CCHCR1: variants seen among roughly 807,000 people sequenced by gnomAD.
The protein encoded by CCHCR1 is coiled-coil alpha-helical rod protein 1, also known as HCR (a-helix coiled-coil rod homologue).
Under a neutral mutation model 114.6 loss-of-function variants are expected in CCHCR1, and 91 were observed. The ratio of observed to expected loss-of-function variants is 0.79; its 90% confidence interval spans 0.67 to 0.94. The LOEUF (loss-of-function observed/expected upper bound fraction) is 0.94. Among genes scored for constraint, CCHCR1 ranks in the 40% least tolerant of loss-of-function variants. CCHCR1 has a pLI of 0.00. For synonymous variants in CCHCR1, 379 were observed against 428.5 expected (o/e 0.88, Z 1.43); for missense variants, 899 against 1,079.9 (o/e 0.83, Z 2.35).
Position 31,144,643 on chromosome 6 carries a change from C to A in CCHCR1, c.2167+44G>T. 1 of 1,254,382 alleles carries A rather than the reference C, an allele frequency of 8.0e-7. No individual in the cohort carries two copies. 77.7% of individuals were successfully genotyped at this position (1,254,382 alleles called of 1,614,324 possible). The stretch of plus-strand genomic sequence containing the variant: ...AAAATAATAACCTTATGTCTTAACA[C>A]TTCCTTCTTCCTGGAAGGCCCTATC... On this transcript the variant is annotated intron_variant, in intron 15 of 17. Transcript: ENST00000396268. This position sits in a 1 kb window ranked among gnomAD's most constrained non-coding sequence, Gnocchi z 4.6.
rs754692375 is a variant in CCHCR1 at position 31,142,948 on chromosome 6, T to A, written c.2491+15A>T. 5 of 1,609,810 alleles carry A rather than the reference T, an allele frequency of 3.1e-6. No individual in the cohort carries two copies. ...CGCGCATTTGTCCCTTGTCCCTTTG[T>A]GCTTGGCCCAAGACCTTTTATGGAC... On this transcript the variant is annotated intron_variant, in intron 17 of 17. Transcript: ENST00000396268.
At chr6:31,152,153 G>A (rs955882731) in intron 4 of CCHCR1, among the ~76,000 whole-genome samples, 75 of 151,896 alleles carry the variant, frequency 4.9e-4, no homozygotes, top group African/African-American at 1.7e-3. Context: ...AAATTAGCTG[G>A]GCGTGGTGGC....
chr6:31,156,963 AAAG>A lies in CCHCR1; in HGVS notation c.284-22_284-20del, dbSNP rs1215489070. On this transcript the variant is annotated intron_variant, in intron 2 of 17. Transcript: ENST00000396268. ...GTGGAACCTGAAGAATTACAAAAACAAAGATGGTCAGTTTCCCAGGCAGAGACA... is the reference window on the plus strand; with the variant it reads ...GTGGAACCTGAAGAATTACAAAAACAATGGTCAGTTTCCCAGGCAGAGACA... 1.2e-6 allele frequency: 2 copies of A among 1,612,568 alleles called. No individual in the cohort carries two copies. Among genetic ancestry groups the A allele is most frequent in the African/African-American group, 2.7e-5 (2 of 74,892 alleles).
rs894251314 is a variant in CCHCR1, at chr6:31,144,411, C to G, written c.2167+276G>C. On this transcript the variant is annotated intron_variant, in intron 15 of 17. Coordinates refer to ENST00000396268, the MANE Select transcript of CCHCR1 (RefSeq NM_001105564.2). This position sits in a 1 kb window ranked among gnomAD's most constrained non-coding sequence, Gnocchi z 4.6. ...GGTTTCGCCATGTTGTCCAGGCTGG[C>G]CTCAAACTCCTGACCTCAGGTGATA... 3.6e-5 allele frequency: 13 copies of G among 363,570 alleles called. No individual in the cohort carries two copies. Among genetic ancestry groups the G allele is most frequent in the Non-Finnish European group, 6.4e-5 (13 of 203,948 alleles). 22.5% of individuals were successfully genotyped at this position (363,570 alleles called of 1,614,324 possible). A position where few individuals can be genotyped will look rare whatever the true frequency, so the allele number is the denominator to read the frequency against.
chr6:31,144,588 G>T lies in CCHCR1; in HGVS notation c.2167+99C>A. The T allele has an allele frequency of 1.3e-6, 1 of 758,686 alleles. No homozygotes were observed. The highest frequency in any genetic ancestry group is 1.7e-5 in the South Asian group (1 of 59,568). The allele number at this position is 758,686 out of a possible 1,614,324, so 47.0% of individuals were successfully genotyped here. ...CTCCTGGATACCTTCATTACTTCCT[G>T]TAATGAAGCTTTGAACACACTTTGA... On this transcript the variant is annotated intron_variant, in intron 15 of 17. Coordinates refer to ENST00000396268, the MANE Select transcript of CCHCR1 (RefSeq NM_001105564.2). The surrounding 1 kb of genome is among the most constrained non-coding windows in gnomAD (Gnocchi z 4.6).
At position 31,151,166 on chromosome 6, in the gene CCHCR1, G is replaced by A. The variant is rs776341964; in HGVS notation, c.802-44C>T. The A allele has an allele frequency of 1.5e-3, 2,309 of 1,575,540 alleles. 5 individuals carry two copies. Among genetic ancestry groups the A allele is most frequent in the Non-Finnish European group, 1.8e-3 (2,112 of 1,162,924 alleles). On this transcript the variant is annotated intron_variant, in intron 4 of 17. Coordinates refer to ENST00000396268, the MANE Select transcript of CCHCR1 (RefSeq NM_001105564.2). The surrounding 1 kb of genome is among the most constrained non-coding windows in gnomAD (Gnocchi z 4.1). Reference sequence around the variant, plus strand: ...GCTCAGCAGAGGCTCGACCCCACATGGAGGCCTTCCTTGTTCCCTTCACTC... The same window carrying A: ...GCTCAGCAGAGGCTCGACCCCACATAGAGGCCTTCCTTGTTCCCTTCACTC...
In CCHCR1 at chr6:31,143,054, C is replaced by A. The variant is rs763072097; in HGVS notation, c.2400G>T (p.Lys800Asn). Residue 800 changes from lysine (K) to asparagine (N), a missense_variant, in exon 17 of 18, where the codon AAG becomes AAT. Transcript: ENST00000396268. This position sits in a 1 kb window ranked among gnomAD's most constrained non-coding sequence, Gnocchi z 5.3. ...LLTVLPSLLD[K>N]KKSVVSSPRP... ...TGGGGCTGGACACCACAGATTTCTTCTTATCCAGTAGGGAAGGAAGAACTG... is the reference window on the plus strand; with the variant it reads ...TGGGGCTGGACACCACAGATTTCTTATTATCCAGTAGGGAAGGAAGAACTG... 6.2e-7 allele frequency: 1 copy of A among 1,613,064 alleles called. No homozygotes were observed. The highest frequency in any genetic ancestry group is 8.5e-7 in the Non-Finnish European group (1 of 1,180,028).
Position 31,143,077 on chromosome 6 carries a change from C to G in CCHCR1, c.2377G>C (p.Val793Leu). Residue 793 changes from valine to leucine, a missense_variant, in exon 17 of 18, where the codon GTT (valine) becomes CTT (leucine). Val to Leu is a conservative substitution (Grantham distance 32). Transcript: ENST00000396268. This position sits in a 1 kb window ranked among gnomAD's most constrained non-coding sequence, Gnocchi z 5.3. Reference protein sequence around the residue: ...SRYKQQRLLTVLPSLLDKKKS... With the variant: ...SRYKQQRLLTLLPSLLDKKKS... The stretch of plus-strand genomic sequence containing the variant: ...TTCTTATCCAGTAGGGAAGGAAGAA[C>G]TGTCAACAGTCGCTGCTGCTTGTAA... 6.2e-7 allele frequency: 1 copy of G among 1,613,028 alleles called. No individual in the cohort carries two copies. Among genetic ancestry groups the G allele is most frequent in the African/African-American group, 1.3e-5 (1 of 75,026 alleles).
chr6:31,145,896 C>G, intron 10 of CCHCR1, 88 bp from the exon 11 acceptor site: 1 of 771,898 alleles, frequency 1.3e-6, no homozygotes, highest in African/African-American at 1.7e-5. Flanking sequence ...TCCCTCTAAT[C>G]CTGTCCCATT....
Position 31,154,488 on chromosome 6 carries a change from G to C in CCHCR1, c.801+8C>G, listed in dbSNP as rs750305031. 5 of 1,601,316 alleles carry C rather than the reference G, an allele frequency of 3.1e-6. No individual in the cohort carries two copies. The South Asian group carries it at 5.5e-5, about 18-fold the overall frequency. On this transcript the variant is annotated splice_region_variant and intron_variant, in intron 4 of 17. Coordinates refer to ENST00000396268, the MANE Select transcript of CCHCR1 (RefSeq NM_001105564.2). The surrounding 1 kb of genome is among the most constrained non-coding windows in gnomAD (Gnocchi z 4.1). ...ATGAATTTGAATCCTTTCTACCCCT[G>C]CATTCACCTGCTCTTGGTGCAGCCT...
rs184707877 is a variant in CCHCR1, at chr6:31,150,271, G to T, written c.1213-56C>A. The stretch of plus-strand genomic sequence containing the variant: ...GGCTCCTGGGGGAGGAGAGGAAGGA[G>T]GTGGCATCTTTGTTTCTCCTCTGTC... On this transcript the variant is annotated intron_variant, in intron 7 of 17. Transcript: ENST00000396268. The surrounding 1 kb of genome is among the most constrained non-coding windows in gnomAD (Gnocchi z 5.3). 1.3e-6 allele frequency: 2 copies of T among 1,581,070 alleles called. No homozygotes were observed. The highest frequency in any genetic ancestry group is 4.5e-5 in the East Asian group (2 of 44,580).
At position 31,143,018 on chromosome 6, in the gene CCHCR1, C is replaced by T. The variant is rs1002846842; in HGVS notation, c.2436G>A (p.Glu812=). The change falls in exon 17 of 18, where the codon GAG becomes GAA. Residue 812 remains glutamate, a synonymous_variant. Coordinates refer to ENST00000396268, the MANE Select transcript of CCHCR1 (RefSeq NM_001105564.2). The surrounding 1 kb of genome is among the most constrained non-coding windows in gnomAD (Gnocchi z 5.3). ...CTGCTACAGGTGCAGATGCTGAACACTCTGGAGGCCTGGGGCTGGACACCA... is the reference window on the plus strand; with the variant it reads ...CTGCTACAGGTGCAGATGCTGAACATTCTGGAGGCCTGGGGCTGGACACCA... ...KSVVSSPRPP[E]CSASAPVAAA... is the part of the protein sequence containing the mutation. The T allele has an allele frequency of 5.6e-6, 9 of 1,612,952 alleles. No homozygotes were observed. Among genetic ancestry groups the T allele is most frequent in the Non-Finnish European group, 7.6e-6 (9 of 1,180,050 alleles).
At position 31,148,484 on chromosome 6, in the gene CCHCR1, G is replaced by C; in HGVS notation, c.1501C>G (p.Gln501Glu). Residue 501 changes from glutamine to glutamate, a missense_variant, in exon 10 of 18, where the codon CAG becomes GAG. Coordinates refer to ENST00000396268, the MANE Select transcript of CCHCR1 (RefSeq NM_001105564.2). ...TGCTGCCACCGACGCCTGGCCTCCT[G>C]AGCACGGCTCAGCTCCAACTGCAGG... The part of the protein sequence containing the change: ...KGLQLELSRA[Q>E]EARRRWQQQT... 1 of 1,612,832 alleles carries C rather than the reference G, an allele frequency of 6.2e-7. No homozygotes were observed. Among genetic ancestry groups the C allele is most frequent in the Non-Finnish European group, 8.5e-7 (1 of 1,179,830 alleles).
Position 31,145,699 on chromosome 6 carries a change from G to T in CCHCR1, c.1690C>A (p.Arg564=), listed in dbSNP as rs372314968. ...SYAVRKVHTI[R]GLIARKLALA... is the part of the protein sequence containing the mutation. The stretch of plus-strand genomic sequence containing the variant: ...GGCTCGCAGTTGTCCTACGCACCCC[G>T]AATGGTGTGGACCTTGCGGACAGCA... The change falls in exon 11 of 18, where the codon CGG becomes AGG. Residue 564 remains arginine, a synonymous_variant. Coordinates refer to ENST00000396268, the MANE Select transcript of CCHCR1 (RefSeq NM_001105564.2). The T allele has an allele frequency of 1.2e-6, 2 of 1,611,772 alleles. No individual in the cohort carries two copies. The highest frequency in any genetic ancestry group is 1.7e-5 in the Admixed American group (1 of 60,014).
Position 31,145,041 on chromosome 6 carries a change from C to T in CCHCR1, c.1909G>A (p.Ala637Thr). 1 of 1,602,850 alleles carries T rather than the reference C, an allele frequency of 6.2e-7. No individual in the cohort carries two copies. Among genetic ancestry groups the T allele is most frequent in the Non-Finnish European group, 8.5e-7 (1 of 1,178,494 alleles). The change falls in exon 14 of 18, where the codon GCC (alanine) becomes ACC (threonine). Residue 637 changes from alanine (A) to threonine (T), a missense_variant. Ala to Thr is a moderately conservative substitution (Grantham distance 58). Coordinates refer to ENST00000396268, the MANE Select transcript of CCHCR1 (RefSeq NM_001105564.2). ...TGCAGCTCCTGCTCCAGCTGCTGGG[C>T]CACCTTGCTCAGCTGCTGCCGCTCT... ...EAERQQLSKV[A>T]QQLEQELQQT...
rs954722715 is a variant in CCHCR1 at position 31,151,943 on chromosome 6, T to A, written c.802-821A>T. On this transcript the variant is annotated intron_variant, in intron 4 of 17. Coordinates refer to ENST00000396268, the MANE Select transcript of CCHCR1 (RefSeq NM_001105564.2). This position sits in a 1 kb window ranked among gnomAD's most constrained non-coding sequence, Gnocchi z 4.1. ...AACAATAAAATTAATTTGGGGGACA[T>A]AAATGACAAAATTTTTTAGACATAA... Among the ~76,000 whole-genome samples, 2 of 152,182 alleles carry A rather than the reference T, an allele frequency of 1.3e-5. No individual in the cohort carries two copies. The highest frequency in any genetic ancestry group is 6.5e-5 in the Admixed American group (1 of 15,284).
intron 4 of CCHCR1, among the ~76,000 whole-genome samples, chr6:31,153,494 T>C (rs1775554067): frequency 6.6e-6 from 1 of 152,192 alleles, no homozygotes; most frequent in South Asian, 2.1e-4. Flanking sequence ...TTATGGCTTC[T>C]AGATTTTGGA....
At position 31,144,985 on chromosome 6, in the gene CCHCR1, C is replaced by T; in HGVS notation, c.1965G>A (p.Gly655=). The change falls in exon 14 of 18, where the codon GGG becomes GGA. Residue 655 remains glycine, a synonymous_variant. Transcript: ENST00000396268. The surrounding 1 kb of genome is among the most constrained non-coding windows in gnomAD (Gnocchi z 4.6). ...QQTQESLASL[G]LQLEVARQGQ... is the part of the protein sequence containing the mutation. ...CCTGGCGTGCTACCTCCAGCTGCAG[C>T]CCCAAGCTAGCCAGGGACTCCTGGG... The T allele has an allele frequency of 1.9e-6, 3 of 1,608,144 alleles. No individual in the cohort carries two copies. The highest frequency in any genetic ancestry group is 8.5e-7 in the Non-Finnish European group (1 of 1,179,756).
chr6:31,157,893 G>T (rs1416810151), upstream of CCHCR1: 52 of 484,986 alleles, frequency 1.1e-4, no homozygotes, highest in East Asian at 1.8e-3. Flanking sequence ...ACCTTTTTCT[G>T]AAGGAATTAT....
Sources: allele counts gnomAD v4.1 joint callset (sites outside exome capture counted in the v4.1 genomes callset), GRCh38; gene constraint gnomAD v4.1.1; non-coding constraint Gnocchi (gnomAD v3.1); transcripts MANE v1.5; gene names NCBI Gene and HGNC (gene_info 2026-07-23, HGNC 2026-07-21).